ACER3: variants seen among roughly 807,000 people sequenced by gnomAD.
ACER3 encodes the protein alkCDase 3.
In ACER3, 16 loss-of-function variants were observed where a neutral mutation model predicts 48.9. The observed-to-expected ratio is 0.33, with a 90% CI of 0.22 to 0.50. The LOEUF is 0.50. Ranked by LOEUF, ACER3 falls within the 20% of genes least tolerant of loss-of-function variation. The probability of loss-of-function intolerance (pLI) is 0.98; values close to 1 mark genes in which losing one functional copy is unlikely to be tolerated. For missense variants in ACER3, 227 were observed against 326.0 expected (o/e 0.70, Z 2.34); for synonymous variants, 109 against 107.8 (o/e 1.01, Z -0.07).
intron 1 of ACER3, among the ~76,000 whole-genome samples, chr11:76,910,830 T>A (rs537900369): frequency 6.6e-6 from 1 of 152,198 alleles, no homozygotes. Flanking sequence ...AGTAGTTTGG[T>A]TGTACTGTGT....
intron 3 of ACER3, among the ~76,000 whole-genome samples, chr11:76,972,261 T>C (rs2187499): frequency 0.4 from 60,718 of 151,812 alleles, 14,841 homozygotes; most frequent in Non-Finnish European, 0.56. Context: ...TGTTATTGTT[T>C]ATCTTTTTAG....
intron 2 of ACER3, among the ~76,000 whole-genome samples, chr11:76,940,758 T>C (rs1174479108): frequency 6.6e-6 from 1 of 152,196 alleles, no homozygotes; most frequent in Non-Finnish European, 1.5e-5. Flanking sequence ...TAATCTGTTT[T>C]TAAGTATCCG....
chr11:77,019,297 A>T (rs1555023914), intron 9 of ACER3, among the ~76,000 whole-genome samples: 1 of 152,160 alleles, frequency 6.6e-6, no homozygotes, highest in Non-Finnish European at 1.5e-5. Context: ...CGTCTCTATT[A>T]AAAATACAAA....
chr11:76,881,530 T>C (rs1261248794), intron 1 of ACER3, among the ~76,000 whole-genome samples: 6 of 152,172 alleles, frequency 3.9e-5, no homozygotes, highest in African/African-American at 1.4e-4. Context: ...ATACATGTCT[T>C]TAACTTTTCA....
intron 1 of ACER3, among the ~76,000 whole-genome samples, chr11:76,874,923 C>T (rs1406627145): frequency 6.6e-6 from 1 of 151,946 alleles, no homozygotes; most frequent in Non-Finnish European, 1.5e-5. Flanking sequence ...TAAGCTGATG[C>T]TTTTGCACAT....
At chr11:76,953,434 C>T (rs1947744075) in intron 2 of ACER3, among the ~76,000 whole-genome samples, 2 of 152,050 alleles carry the variant, frequency 1.3e-5, no homozygotes, top group South Asian at 4.2e-4. Flanking sequence ...CCTGTCTCTA[C>T]TAAAAATACA....
At chr11:76,954,412 T>A (rs191145558) in intron 2 of ACER3, among the ~76,000 whole-genome samples, 2 of 152,256 alleles carry the variant, frequency 1.3e-5, no homozygotes, top group East Asian at 1.9e-4. Context: ...ATCTCATTTT[T>A]AAAAAAATTC....
chr11:76,998,160 C>T (rs1948954513), intron 6 of ACER3, among the ~76,000 whole-genome samples: 1 of 152,020 alleles, frequency 6.6e-6, no homozygotes, highest in African/African-American at 2.4e-5. Flanking sequence ...GTTCAATTTT[C>T]CAGGTACTAA....
intron 1 of ACER3, among the ~76,000 whole-genome samples, chr11:76,866,138 T>C (rs1386972274): frequency 6.6e-6 from 1 of 152,078 alleles, no homozygotes; most frequent in Non-Finnish European, 1.5e-5. Flanking sequence ...TCAGACTACA[T>C]ATTTAGAGTC....
intron 3 of ACER3, among the ~76,000 whole-genome samples, chr11:76,965,351 CA>C (rs1310484823): frequency 1.3e-5 from 2 of 151,218 alleles, no homozygotes; most frequent in South Asian, 2.1e-4. Context: ...CTGAAAGTGA[CA>C]GGGAGAATGG....
At chr11:77,013,239 C>T (rs1451100681) in intron 7 of ACER3, among the ~76,000 whole-genome samples, 1 of 151,992 alleles carries the variant, frequency 6.6e-6, no homozygotes, top group Non-Finnish European at 1.5e-5. Flanking sequence ...AAAGCACAAA[C>T]TATAGAAAAA....
chr11:76,956,683 A>C (rs1001105254), intron 2 of ACER3, among the ~76,000 whole-genome samples: 4 of 62,104 alleles, frequency 6.4e-5, no homozygotes, highest in South Asian at 4.9e-4. Flanking sequence ...ATCCCATCTC[A>C]CTTTTTTTTT....
At chr11:76,967,897 T>C (rs1215691221) in intron 3 of ACER3, among the ~76,000 whole-genome samples, 3 of 152,082 alleles carry the variant, frequency 2.0e-5, no homozygotes, top group Non-Finnish European at 2.9e-5. Context: ...AGGGATGTCC[T>C]CTCTCACCAC....
intron 4 of ACER3, among the ~76,000 whole-genome samples, chr11:76,981,734 T>C (rs1479699842): frequency 6.6e-6 from 1 of 152,248 alleles, no homozygotes; most frequent in Non-Finnish European, 1.5e-5. Flanking sequence ...TATTCATGTA[T>C]GTTGTTACAT....
chr11:76,999,935 T>C (rs1347081036), intron 7 of ACER3, among the ~76,000 whole-genome samples: 2 of 152,190 alleles, frequency 1.3e-5, no homozygotes, highest in Non-Finnish European at 2.9e-5. Context: ...TGCAGGTTTT[T>C]ATGGGAACAC....
At chr11:77,008,888 C>G (rs1460947375) in intron 7 of ACER3, among the ~76,000 whole-genome samples, 1 of 151,966 alleles carries the variant, frequency 6.6e-6, no homozygotes, top group African/African-American at 2.4e-5. Flanking sequence ...GAGACCTAGT[C>G]TATACAAAAA....
At chr11:77,007,344 G>A (rs1332775476) in intron 7 of ACER3, among the ~76,000 whole-genome samples, 2 of 152,064 alleles carry the variant, frequency 1.3e-5, no homozygotes, top group Non-Finnish European at 2.9e-5. Context: ...TAGATCTTTT[G>A]TTATAGTCCC....
At chr11:76,905,103 C>T (rs890425759) in intron 1 of ACER3, among the ~76,000 whole-genome samples, 4 of 152,128 alleles carry the variant, frequency 2.6e-5, no homozygotes, top group East Asian at 1.9e-4. Flanking sequence ...CCACTCACCT[C>T]GGCCTCCCAA....
intron 1 of ACER3, among the ~76,000 whole-genome samples, chr11:76,892,070 G>C (rs1945820929): frequency 6.6e-6 from 1 of 152,044 alleles, no homozygotes; most frequent in South Asian, 2.1e-4. Flanking sequence ...TTGTTAAAGG[G>C]ATATAACACA....
Sources: gnomAD v4.1 joint callset for allele counts (sites outside exome capture counted in the v4.1 genomes callset) on GRCh38, gnomAD v4.1.1 for gene constraint, MANE v1.5 for transcripts, NCBI Gene and HGNC (gene_info 2026-07-23, HGNC 2026-07-21) for gene names.